TTC27: variants seen among roughly 807,000 people sequenced by gnomAD.
The protein encoded by TTC27 is tetratricopeptide repeat domain 27.
A neutral mutation model predicts 115.9 loss-of-function variants in TTC27; 79 were observed. That is an observed-to-expected ratio of 0.68 (90% confidence interval 0.57 to 0.82). The LOEUF (loss-of-function observed/expected upper bound fraction) is 0.82, where lower values mean the gene tolerates loss of function less well. TTC27 is among the 40% of genes least tolerant of loss of function. The pLI, the probability that TTC27 is intolerant of heterozygous loss-of-function variation, is 0.00. For missense variants in TTC27, 1,054 were observed against 993.1 expected (o/e 1.06, Z -0.82); for synonymous variants, 401 against 356.0 (o/e 1.13, Z -1.42).
chr2:32,746,607 G>A (rs1668840861), intron 12 of TTC27, among the ~76,000 whole-genome samples: 1 of 143,866 alleles, frequency 7.0e-6, no homozygotes, highest in African/African-American at 2.6e-5. Flanking sequence ...ATATTCCCAT[G>A]GGGAAATAGT....
intron 12 of TTC27, among the ~76,000 whole-genome samples, chr2:32,741,386 G>A (rs1668630300): frequency 6.6e-6 from 1 of 151,924 alleles, no homozygotes; most frequent in African/African-American, 2.4e-5. Flanking sequence ...GCTCACGCCT[G>A]TAATCCCAGC....
intron 16 of TTC27, among the ~76,000 whole-genome samples, chr2:32,790,536 T>TC (rs1670501913): frequency 1.3e-5 from 2 of 152,202 alleles, no homozygotes; most frequent in African/African-American, 2.4e-5. Flanking sequence ...ATCAGGCTGA[T>TC]TAACATACCC....
rs34859954 is a variant in TTC27, at chr2:32,789,921, C to CAAAAAAAA, written c.1998+2790_1998+2797dup. ...GGATGACAGAGCAAGACCCTGTCTCCAAAAAAAAAAAAAAAAAAAAAAAAA... is the reference window on the plus strand; with the variant it reads ...GGATGACAGAGCAAGACCCTGTCTCCAAAAAAAAAAAAAAAAAAAAAAAAAAAAAAAAA... On this transcript the variant is annotated intron_variant, in intron 16 of 19. Coordinates refer to ENST00000317907, the MANE Select transcript of TTC27 (RefSeq NM_017735.5). 7.7e-4 allele frequency among the ~76,000 whole-genome samples: 20 copies of CAAAAAAAA among 25,946 alleles called. 1 individual carries two copies. The highest frequency in any genetic ancestry group is 1.1e-3 in the Non-Finnish European group (17 of 15,292). The allele number at this position is 25,946 out of a possible 152,430, so 17.0% of individuals were successfully genotyped here. A position where few individuals can be genotyped will look rare whatever the true frequency, so the allele number is the denominator to read the frequency against.
chr2:32,683,514 A>G (rs567282294), intron 9 of TTC27, among the ~76,000 whole-genome samples: 3 of 152,212 alleles, frequency 2.0e-5, no homozygotes, highest in Non-Finnish European at 4.4e-5. Context: ...CAGCAGGTTG[A>G]AATATATATG....
At chr2:32,793,831 T>C (rs537081321) in intron 16 of TTC27, among the ~76,000 whole-genome samples, 5 of 152,146 alleles carry the variant, frequency 3.3e-5, no homozygotes, top group Admixed American at 3.3e-4. Flanking sequence ...CCTGTTACAA[T>C]GTTTTTTTTA....
intron 12 of TTC27, among the ~76,000 whole-genome samples, chr2:32,757,172 T>G (rs1446651323): frequency 6.6e-6 from 1 of 152,170 alleles, no homozygotes; most frequent in African/African-American, 2.4e-5. Flanking sequence ...TAATAGACAT[T>G]GCTAAAAACC....
intron 8 of TTC27, among the ~76,000 whole-genome samples, chr2:32,674,551 T>C (rs1260860782): frequency 6.6e-6 from 1 of 152,202 alleles, no homozygotes; most frequent in African/African-American, 2.4e-5. Context: ...TATATAAAAG[T>C]TGAATTCAGT....
chr2:32,660,426 G>A (rs1010617074), intron 5 of TTC27, among the ~76,000 whole-genome samples: 5 of 152,134 alleles, frequency 3.3e-5, no homozygotes, highest in African/African-American at 1.2e-4. Context: ...TATAAAAAAG[G>A]ATGAGTTCAT....
At chr2:32,680,612 T>C (rs779425830) in intron 9 of TTC27, among the ~76,000 whole-genome samples, 2 of 152,110 alleles carry the variant, frequency 1.3e-5, no homozygotes, top group African/African-American at 2.4e-5. Flanking sequence ...CTGGAATGGC[T>C]GTGAGCTTGA....
chr2:32,635,379 T>G (rs1407436329), intron 3 of TTC27: 1 of 153,816 alleles, frequency 6.5e-6, no homozygotes, highest in Non-Finnish European at 1.5e-5. Flanking sequence ...TGTTACCTGG[T>G]TTCTCAGAAT....
At position 32,736,772 on chromosome 2, in the gene TTC27, G is replaced by T; in HGVS notation, c.1408G>T (p.Glu470Ter). ...GATATTTGAAAAGCTAGAAATGTGG[G>T]AAGATGTTGTCATTTGTTATGAAAG... is the stretch of plus-strand genomic sequence containing the variant. ...LQIFEKLEMW[E>*]DVVICYERAG... Residue 470 changes from glutamate to a stop codon, truncating the protein, a stop_gained, in exon 12 of 20, where the codon GAA (glutamate) becomes TAA (stop). Transcript: ENST00000317907. LOFTEE classifies it high-confidence loss of function. The T allele has an allele frequency of 6.2e-7, 1 of 1,614,022 alleles. No homozygotes were observed. Among genetic ancestry groups the T allele is most frequent in the Non-Finnish European group, 8.5e-7 (1 of 1,179,930 alleles).
intron 9 of TTC27, among the ~76,000 whole-genome samples, chr2:32,680,033 T>C (rs1156883097): frequency 6.6e-6 from 1 of 152,124 alleles, no homozygotes; most frequent in Non-Finnish European, 1.5e-5. Flanking sequence ...CTAGCTTATT[T>C]TGTACTGTAA....
intron 8 of TTC27, among the ~76,000 whole-genome samples, chr2:32,675,037 T>G (rs1389560055): frequency 6.6e-6 from 1 of 152,206 alleles, no homozygotes; most frequent in Non-Finnish European, 1.5e-5. Context: ...ATGTTAATAA[T>G]ATGAATAGCA....
chr2:32,758,895 T>C (rs927364979), intron 13 of TTC27, among the ~76,000 whole-genome samples: 6 of 152,072 alleles, frequency 3.9e-5, no homozygotes, highest in African/African-American at 1.4e-4. Context: ...AAATCAGTAA[T>C]GAAAGAAAAA....
intron 9 of TTC27, among the ~76,000 whole-genome samples, chr2:32,682,859 T>TTTTTG (rs1293707692): frequency 3.4e-5 from 4 of 119,322 alleles, no homozygotes; most frequent in Admixed American, 2.6e-4. Flanking sequence ...TTTTTTTTTT[T>TTTTTG]TTTTTTTTTT....
intron 10 of TTC27, among the ~76,000 whole-genome samples, chr2:32,725,060 G>A (rs916654817): frequency 2.6e-5 from 4 of 152,142 alleles, no homozygotes; most frequent in African/African-American, 4.8e-5. Flanking sequence ...AGAACAGCAC[G>A]GGAAAGAGTT....
At chr2:32,641,407 A>G (rs963075555) in intron 4 of TTC27, among the ~76,000 whole-genome samples, 2 of 152,356 alleles carry the variant, frequency 1.3e-5, no homozygotes, top group Admixed American at 6.5e-5. Flanking sequence ...GTGGACACTG[A>G]AACTTACATT....
At chr2:32,765,782 T>G (rs1669606430) in intron 13 of TTC27, among the ~76,000 whole-genome samples, 1 of 152,236 alleles carries the variant, frequency 6.6e-6, no homozygotes, top group African/African-American at 2.4e-5. Context: ...TGTGCACTTT[T>G]ATGTTATGGG....
Position 32,820,909 on chromosome 2 carries a change from C to CTAAG in TTC27, c.2504_2507dup (p.Asn837LysfsTer25), listed in dbSNP as rs1216586049. Reference sequence around the variant, plus strand: ...CACCTTAGTGACAGAGCTCCAAGACCTAAGCAACCAGTTTCGAAATCAGTA... The same window carrying CTAAG: ...CACCTTAGTGACAGAGCTCCAAGACCTAAGTAAGCAACCAGTTTCGAAATCAGTA... On this transcript the variant is annotated frameshift_variant, in exon 20 of 20. Coordinates refer to ENST00000317907, the MANE Select transcript of TTC27 (RefSeq NM_017735.5). LOFTEE classifies it high-confidence loss of function. 6.5e-7 allele frequency: 1 copy of CTAAG among 1,527,018 alleles called. No homozygotes were observed. The highest frequency in any genetic ancestry group is 2.5e-5 in the East Asian group (1 of 40,530). 94.6% of individuals were successfully genotyped at this position (1,527,018 alleles called of 1,614,324 possible).
Sources: gnomAD v4.1 joint callset for allele counts (sites outside exome capture counted in the v4.1 genomes callset) on GRCh38, gnomAD v4.1.1 for gene constraint, MANE v1.5 for transcripts, NCBI Gene and HGNC (gene_info 2026-07-23, HGNC 2026-07-21) for gene names.